SMARCC1: variants seen among roughly 807,000 people sequenced by gnomAD.
SMARCC1 encodes the protein SWI/SNF related BAF chromatin remodeling complex subunit C1, also known as SWI/SNF complex subunit SMARCC1.
A neutral mutation model predicts 147.4 loss-of-function variants in SMARCC1; 43 were observed. That is an observed-to-expected ratio of 0.29 (90% CI 0.23 to 0.38). SMARCC1 has a LOEUF of 0.38. Among genes scored for constraint, SMARCC1 ranks in the 10% least tolerant of loss-of-function variants. The pLI, the probability that SMARCC1 is intolerant of heterozygous loss-of-function variation, is 1.00. For synonymous variants in SMARCC1, 495 were observed against 484.4 expected (o/e 1.02, Z -0.29); for missense variants, 1,119 against 1,381.1 (o/e 0.81, Z 3.01).
intron 14 of SMARCC1, among the ~76,000 whole-genome samples, chr3:47,683,954 TAA>T (rs1462272121): frequency 2.1e-5 from 3 of 142,938 alleles, no homozygotes; most frequent in African/African-American, 5.3e-5. Flanking sequence ...AAGCAATCAA[TAA>T]AAAAGACAGT....
At chr3:47,731,101 G>T (rs965401683) in intron 5 of SMARCC1, among the ~76,000 whole-genome samples, 19 of 152,254 alleles carry the variant, frequency 1.2e-4, no homozygotes, top group Non-Finnish European at 2.4e-4. Flanking sequence ...TTTACACACA[G>T]CAGAATTTCT....
chr3:47,767,270 G>A (rs1343876194), intron 2 of SMARCC1, among the ~76,000 whole-genome samples: 44 of 131,094 alleles, frequency 3.4e-4, no homozygotes, highest in Non-Finnish European at 4.6e-4. Flanking sequence ...ATGGAGTTTC[G>A]CTCTTGTTGC....
chr3:47,673,494 G>C (rs2033531116), intron 18 of SMARCC1, among the ~76,000 whole-genome samples: 1 of 146,942 alleles, frequency 6.8e-6, no homozygotes, highest in Non-Finnish European at 1.5e-5. Flanking sequence ...TCAAAGACCA[G>C]CCTAGTCAAC....
intron 18 of SMARCC1, among the ~76,000 whole-genome samples, chr3:47,671,198 A>AC (rs66994913): frequency 3.7e-5 from 5 of 136,680 alleles, no homozygotes; most frequent in South Asian, 2.4e-4. Context: ...AAAAAAAAAA[A>AC]CACACACAAA....
At chr3:47,722,447 G>C (rs1055324909) in intron 6 of SMARCC1, among the ~76,000 whole-genome samples, 1 of 151,678 alleles carries the variant, frequency 6.6e-6, no homozygotes, top group African/African-American at 2.4e-5. Context: ...ACAGGCATGC[G>C]CCACACCATG....
intron 3 of SMARCC1, among the ~76,000 whole-genome samples, chr3:47,740,865 A>AG (rs2034501655): frequency 6.6e-6 from 1 of 151,582 alleles, no homozygotes; most frequent in Non-Finnish European, 1.5e-5. Flanking sequence ...AAAAAAAAAA[A>AG]AAAACAAAAA....
rs555103395 is a variant in SMARCC1 at position 47,652,999 on chromosome 3, G to T, written c.2320+8295C>A. Among the ~76,000 whole-genome samples the T allele has an allele frequency of 3.4e-3, 512 of 149,590 alleles. 1 individual carries two copies. The highest frequency in any genetic ancestry group is 6.9e-3 in the Middle Eastern group (2 of 288). On this transcript the variant is annotated intron_variant, in intron 21 of 27. Transcript: ENST00000254480. Reference sequence around the variant, plus strand: ...GAGTCTCGCTCTGTCGCCCAGGCCGGACTGCGGACTGCAGTGGCGCAATCT... The same window carrying T: ...GAGTCTCGCTCTGTCGCCCAGGCCGTACTGCGGACTGCAGTGGCGCAATCT...
rs754347923 is a variant in SMARCC1 at position 47,610,023 on chromosome 3, T to C, written c.3043+43A>G. The C allele has an allele frequency of 4.0e-5, 64 of 1,605,062 alleles. No individual in the cohort carries two copies. In the South Asian group the frequency reaches 6.9e-4, roughly 17 times the overall value. ...GCCCCAATGATGCTCTGTGCCTCTG[T>C]AGTGACCATAAGCTTTTTCCAAGAG... On this transcript the variant is annotated intron_variant, in intron 26 of 27. Coordinates refer to ENST00000254480, the MANE Select transcript of SMARCC1 (RefSeq NM_003074.4).
At chr3:47,715,254 AC>A (rs1285021784) in intron 7 of SMARCC1, among the ~76,000 whole-genome samples, 7 of 152,058 alleles carry the variant, frequency 4.6e-5, no homozygotes, top group Non-Finnish European at 7.4e-5. Flanking sequence ...CCAACAGCCA[AC>A]TCCACATCTC....
At chr3:47,594,962 TCTC>T in intron 26 of SMARCC1, among the ~76,000 whole-genome samples, 1 of 152,298 alleles carries the variant, frequency 6.6e-6, no homozygotes, top group Admixed American at 6.5e-5. Context: ...ACTCCTCTAT[TCTC>T]CATCTCTGAC....
chr3:47,611,638 A>G (rs1483786713), intron 25 of SMARCC1, among the ~76,000 whole-genome samples: 2 of 152,210 alleles, frequency 1.3e-5, no homozygotes, highest in Non-Finnish European at 2.9e-5. Flanking sequence ...AGTTCTGTGG[A>G]TAAACACTAC....
Position 47,636,110 on chromosome 3 carries a change from C to T in SMARCC1, c.2403G>A (p.Thr801=), listed in dbSNP as rs73831520. ...EKAENKVENE[T]DEGDKAQDGE... ...CATCTTGTGCTTTATCACCTTCATC[C>T]GTTTCATTTTCCACTTTATTTTCTG... Residue 801 remains threonine, a synonymous_variant, in exon 23 of 28, where the codon ACG becomes ACA. Transcript: ENST00000254480. The T allele has an allele frequency of 1.3e-4, 210 of 1,606,550 alleles. 1 individual carries two copies. The African/African-American group carries it at 2.3e-3, about 18-fold the overall frequency.
intron 25 of SMARCC1, 33 bp from the exon 26 acceptor site, chr3:47,610,360 C>A: frequency 6.2e-7 from 1 of 1,612,684 alleles, no homozygotes; most frequent in Non-Finnish European, 8.5e-7. Flanking sequence ...AGAAATGACA[C>A]CAGAAGAGGC....
rs892141602 is a variant in SMARCC1, at chr3:47,662,871, G to C, written c.1900-279C>G. Among the ~76,000 whole-genome samples the C allele has an allele frequency of 2.0e-5, 3 of 151,238 alleles. No homozygotes were observed. The East Asian group carries it at 5.9e-4, about 30-fold the overall frequency. On this transcript the variant is annotated intron_variant, in intron 19 of 27. Transcript: ENST00000254480. ...GCAGATCACCTGAGGTCAGGAGTTCGAGAGCAGCCTGGCCAATAACATGGT... is the reference window on the plus strand; with the variant it reads ...GCAGATCACCTGAGGTCAGGAGTTCCAGAGCAGCCTGGCCAATAACATGGT...
rs2034222770 is a variant in SMARCC1 at position 47,720,732 on chromosome 3, T to A, written c.650A>T (p.Glu217Val). ...YPYSSSQDDE[E>V]WLRPVMRKEK... Reference sequence around the variant, plus strand: ...TTTTCTCATCACCGGTCTCAACCATTCTTCTGGAAGAGAAAAAGAAACAAC... The same window carrying A: ...TTTTCTCATCACCGGTCTCAACCATACTTCTGGAAGAGAAAAAGAAACAAC... Residue 217 changes from glutamate to valine, a missense_variant, in exon 7 of 28, where the codon GAA becomes GTA. Physicochemically the swap from Glu to Val is moderately radical, Grantham distance 121. Around this residue, in one of 6 missense-constraint regions of SMARCC1, gnomAD observed 542 missense variants for 611.8 expected, o/e 0.89. Coordinates refer to ENST00000254480, the MANE Select transcript of SMARCC1 (RefSeq NM_003074.4). 1 of 1,607,888 alleles carries A rather than the reference T, an allele frequency of 6.2e-7. No homozygotes were observed. The highest frequency in any genetic ancestry group is 8.5e-7 in the Non-Finnish European group (1 of 1,176,006).
At chr3:47,774,600 G>A (rs1374774572) in intron 1 of SMARCC1, among the ~76,000 whole-genome samples, 1 of 151,798 alleles carries the variant, frequency 6.6e-6, no homozygotes. Flanking sequence ...TGTATTTTTA[G>A]TAGAGACGGG....
intron 15 of SMARCC1, among the ~76,000 whole-genome samples, chr3:47,678,767 C>T (rs1308732083): frequency 5.3e-5 from 8 of 152,214 alleles, no homozygotes; most frequent in African/African-American, 1.9e-4. Flanking sequence ...AGGAAACAAA[C>T]ACTGAGTTGT....
At chr3:47,628,491 T>C (rs2032843484) in intron 24 of SMARCC1, among the ~76,000 whole-genome samples, 1 of 152,218 alleles carries the variant, frequency 6.6e-6, no homozygotes, top group Non-Finnish European at 1.5e-5. Flanking sequence ...TTGGGGGCTT[T>C]GTTCTCATAA....
chr3:47,737,168 A>G (rs2034453566), intron 4 of SMARCC1, among the ~76,000 whole-genome samples: 1 of 152,140 alleles, frequency 6.6e-6, no homozygotes, highest in African/African-American at 2.4e-5. Context: ...CAAGCAAGCA[A>G]ATCGCTTGAA....
Sources: allele counts gnomAD v4.1 joint callset (sites outside exome capture counted in the v4.1 genomes callset), GRCh38; gene constraint gnomAD v4.1.1; regional missense constraint gnomAD v4.1.1; transcripts MANE v1.5; gene names NCBI Gene and HGNC (gene_info 2026-07-23, HGNC 2026-07-21).